The following CSMD3 variants were observed in gnomAD, a reference collection of about 807,000 sequenced individuals.
CSMD3 encodes the protein CUB and Sushi multiple domains 3.
A neutral mutation model predicts 435.2 loss-of-function variants in CSMD3; 177 were observed. The observed-to-expected ratio is 0.41, with a 90% CI of 0.36 to 0.46. The LOEUF (loss-of-function observed/expected upper bound fraction) is 0.46, where lower values mean the gene tolerates loss of function less well. Among genes scored for constraint, CSMD3 ranks in the 20% least tolerant of loss-of-function variants. The probability of loss-of-function intolerance (pLI) is 0.34; values close to 1 mark genes in which losing one functional copy is unlikely to be tolerated. For missense variants in CSMD3, 4,265 were observed against 4,504.6 expected (o/e 0.95, Z 1.52); for synonymous variants, 1,656 against 1,520.5 (o/e 1.09, Z -2.07).
chr8:112,650,050 A>G lies in CSMD3; in HGVS notation c.3193+111T>C. The G allele has an allele frequency of 3.7e-6, 3 of 805,366 alleles. No individual in the cohort carries two copies. The South Asian group carries it at 4.8e-5, about 13-fold the overall frequency. The allele number at this position is 805,366 out of a possible 1,614,324, so 49.9% of individuals were successfully genotyped here. A position where few individuals can be genotyped will look rare whatever the true frequency, so the allele number is the denominator to read the frequency against. On this transcript the variant is annotated intron_variant, in intron 19 of 70. Coordinates refer to ENST00000297405, the MANE Select transcript of CSMD3 (RefSeq NM_198123.2). ...ACATAAATTTGCCAGAAATCAAAAG[A>G]ACTTTTAAAAAACCTAAAATATTTA...
intron 45 of CSMD3, among the ~76,000 whole-genome samples, chr8:112,320,388 G>T (rs1475135024): frequency 1.3e-5 from 2 of 152,094 alleles, no homozygotes; most frequent in East Asian, 3.9e-4. Flanking sequence ...GCAAACAAAT[G>T]CTCAGTGTTT....
intron 12 of CSMD3, among the ~76,000 whole-genome samples, chr8:112,805,658 T>C (rs1299327691): frequency 6.6e-6 from 1 of 152,216 alleles, no homozygotes; most frequent in East Asian, 1.9e-4. Context: ...GAAACTTTAG[T>C]ACTTTGCTAC....
chr8:113,428,006 G>A (rs1370259327), intron 1 of CSMD3, among the ~76,000 whole-genome samples: 1 of 151,562 alleles, frequency 6.6e-6, no homozygotes, highest in Non-Finnish European at 1.5e-5. Context: ...TACTTAATGT[G>A]CTAGTTTTAT....
chr8:113,410,948 A>AGAAG (rs1305243337), intron 1 of CSMD3, among the ~76,000 whole-genome samples: 2 of 143,336 alleles, frequency 1.4e-5, no homozygotes, highest in African/African-American at 5.0e-5. Flanking sequence ...AAAGAAAGAA[A>AGAAG]GAAAGAGAAG....
At chr8:112,243,690 T>C (rs568633537) in intron 65 of CSMD3, among the ~76,000 whole-genome samples, 4 of 152,236 alleles carry the variant, frequency 2.6e-5, no homozygotes, top group Non-Finnish European at 2.9e-5. Context: ...GTAGCAATTC[T>C]CCGTACTCTA....
intron 9 of CSMD3, among the ~76,000 whole-genome samples, chr8:112,937,732 G>T (rs1009424257): frequency 6.6e-6 from 1 of 152,024 alleles, no homozygotes; most frequent in Non-Finnish European, 1.5e-5. Context: ...AATAGTAATT[G>T]CAAAGACCAA....
At chr8:112,536,017 T>G (rs1198914232) in intron 27 of CSMD3, among the ~76,000 whole-genome samples, 28 of 152,054 alleles carry the variant, frequency 1.8e-4, no homozygotes, top group Non-Finnish European at 1.6e-4. Flanking sequence ...ATACAAAAAT[T>G]AATTCAAGAT....
At chr8:113,258,317 C>T (rs769756190) in intron 3 of CSMD3, among the ~76,000 whole-genome samples, 8 of 152,128 alleles carry the variant, frequency 5.3e-5, no homozygotes, top group Non-Finnish European at 1.0e-4. Context: ...AGATAGTACA[C>T]GAGAATATTT....
chr8:113,301,401 T>G (rs982044484), intron 2 of CSMD3, among the ~76,000 whole-genome samples: 2 of 152,132 alleles, frequency 1.3e-5, no homozygotes, highest in African/African-American at 2.4e-5. Flanking sequence ...AAATATATTA[T>G]GGCAATGAAC....
intron 27 of CSMD3, among the ~76,000 whole-genome samples, chr8:112,525,486 C>A (rs947447091): frequency 2.7e-5 from 4 of 149,876 alleles, no homozygotes; most frequent in Non-Finnish European, 5.9e-5. Flanking sequence ...TATGGTGGAC[C>A]GAGGCGGGCG....
chr8:112,352,285 T>C (rs1016594763), intron 39 of CSMD3, 131 bp downstream of exon 39: 1 of 1,359,138 alleles, frequency 7.4e-7, no homozygotes, highest in African/African-American at 1.4e-5. Flanking sequence ...TATTATCAAA[T>C]TGAGCACCCT....
At chr8:113,293,958 A>G (rs891388667) in intron 2 of CSMD3, among the ~76,000 whole-genome samples, 4 of 152,106 alleles carry the variant, frequency 2.6e-5, no homozygotes, top group African/African-American at 9.7e-5. Flanking sequence ...TTTCTTGAGT[A>G]AAAAATATAT....
At chr8:112,323,251 C>T (rs192408404) in intron 45 of CSMD3, among the ~76,000 whole-genome samples, 3 of 152,120 alleles carry the variant, frequency 2.0e-5, no homozygotes, top group East Asian at 1.9e-4. Context: ...TAGCTTGCAA[C>T]AATTTTGTTT....
intron 13 of CSMD3, among the ~76,000 whole-genome samples, chr8:112,704,794 A>C (rs1033886901): frequency 6.6e-6 from 1 of 152,152 alleles, no homozygotes; most frequent in Non-Finnish European, 1.5e-5. Flanking sequence ...ATTATTTATT[A>C]GTAGTAATAT....
chr8:113,306,263 T>A (rs1027101151), intron 2 of CSMD3, among the ~76,000 whole-genome samples: 2 of 152,164 alleles, frequency 1.3e-5, no homozygotes, highest in African/African-American at 4.8e-5. Context: ...TTCCCAGATG[T>A]TTTATTATAT....
chr8:112,439,102 A>G (rs1211985418), intron 32 of CSMD3, among the ~76,000 whole-genome samples: 1 of 152,122 alleles, frequency 6.6e-6, no homozygotes, highest in East Asian at 1.9e-4. Flanking sequence ...CTGTACCTGT[A>G]AGCACTTTGA....
chr8:112,370,524 C>T (rs1828287541), intron 38 of CSMD3, among the ~76,000 whole-genome samples: 1 of 152,094 alleles, frequency 6.6e-6, no homozygotes, highest in African/African-American at 2.4e-5. Context: ...TTTCCTACTA[C>T]CTCACTTTTT....
intron 22 of CSMD3, among the ~76,000 whole-genome samples, chr8:112,618,023 A>C (rs1741679695): frequency 5.9e-5 from 9 of 152,270 alleles, no homozygotes; most frequent in Admixed American, 5.9e-4. Context: ...AGAAAAAGTA[A>C]TGAAACCTGA....
chr8:112,924,573 A>G (rs2082852899), intron 9 of CSMD3, among the ~76,000 whole-genome samples: 2 of 151,854 alleles, frequency 1.3e-5, no homozygotes, highest in Non-Finnish European at 2.9e-5. Flanking sequence ...ATTATAGAAA[A>G]TTAATTCACT....
Sources: gnomAD v4.1 joint callset for allele counts (sites outside exome capture counted in the v4.1 genomes callset) on GRCh38, gnomAD v4.1.1 for gene constraint, MANE v1.5 for transcripts, NCBI Gene and HGNC (gene_info 2026-07-23, HGNC 2026-07-21) for gene names.